The following TBC1D21 variants were observed in gnomAD, a reference collection of about 807,000 sequenced individuals.
The protein encoded by TBC1D21 is male germ cell Rab GTPase-activating protein.
TBC1D21 carries 38 observed loss-of-function variants against 46.0 expected under a neutral mutation model. That is an observed-to-expected ratio of 0.83 (90% CI 0.64 to 1.08). TBC1D21 has a LOEUF of 1.08. TBC1D21 is among the 50% of genes least tolerant of loss of function. The pLI is 0.00. For synonymous variants in TBC1D21, 151 were observed against 157.2 expected (o/e 0.96, Z 0.29); for missense variants, 415 against 417.9 (o/e 0.99, Z 0.06).
intron 10 of TBC1D21, 108 bp downstream of exon 10, chr15:73,888,621 CTCTTCTTCCTCCTCCTCT>C (rs1567070396): frequency 4.9e-5 from 37 of 751,578 alleles, no homozygotes; most frequent in South Asian, 2.6e-4. Context: ...CCTCCTCCTC[CTCTTCTTCCTCCTCCTCT>C]TCTTCTTCCT....
the TBC1D21 span, among the ~76,000 whole-genome samples, chr15:73,897,463 A>T: frequency 2.9e-3 from 445 of 152,354 alleles, 3 homozygotes; most frequent in African/African-American, 0.011. Flanking sequence ...CTGTAGCCAC[A>T]GGAGAGAGGA....
At chr15:73,883,509 G>A (rs1345678201) in intron 3 of TBC1D21, among the ~76,000 whole-genome samples, 1 of 152,216 alleles carries the variant, frequency 6.6e-6, no homozygotes, top group Admixed American at 6.5e-5. Context: ...CTGTCCCCAT[G>A]GTGGTGAGAC....
intron 6 of TBC1D21, among the ~76,000 whole-genome samples, chr15:73,885,689 A>G (rs1232500083): frequency 6.6e-6 from 1 of 151,424 alleles, no homozygotes; most frequent in Non-Finnish European, 1.5e-5. Flanking sequence ...CCATCCCTGC[A>G]CATGTGCTTG....
chr15:73,881,868 G>A (rs1567065517), intron 3 of TBC1D21, 121 bp downstream of exon 3: 2 of 864,778 alleles, frequency 2.3e-6, no homozygotes, highest in Non-Finnish European at 3.7e-6. Flanking sequence ...GGAACCCCAT[G>A]CCTCCTGACC....
At chr15:73,885,562 C>A (rs1317372417) in intron 6 of TBC1D21, among the ~76,000 whole-genome samples, 1 of 152,136 alleles carries the variant, frequency 6.6e-6, no homozygotes, top group African/African-American at 2.4e-5. Context: ...GGCTCCCTCA[C>A]TGTCCAAGTT....
At chr15:73,900,696 T>C in the TBC1D21 span, among the ~76,000 whole-genome samples, 1 of 152,168 alleles carries the variant, frequency 6.6e-6, no homozygotes, top group Non-Finnish European at 1.5e-5. Context: ...ACTAGAGTCT[T>C]GTTTTTAAAA....
the TBC1D21 span, among the ~76,000 whole-genome samples, chr15:73,905,886 C>A: frequency 6.6e-6 from 1 of 152,006 alleles, no homozygotes; most frequent in Non-Finnish European, 1.5e-5. Flanking sequence ...CAGGGCCCTT[C>A]CCTGGCCTCT....
At chr15:73,886,231 T>C in intron 7 of TBC1D21, 57 bp downstream of exon 7, 1 of 1,493,788 alleles carries the variant, frequency 6.7e-7, no homozygotes, top group Non-Finnish European at 9.3e-7. Context: ...GGAAGGGGGC[T>C]GGGACCCAAC....
At chr15:73,886,007 G>T in intron 6 of TBC1D21, 71 bp from the exon 7 acceptor site, 1 of 1,311,988 alleles carries the variant, frequency 7.6e-7, no homozygotes, top group Non-Finnish European at 1.1e-6. Context: ...GAAGCTGGGG[G>T]AAGCAGAGTT....
Position 73,873,655 on chromosome 15 carries a change from C to A in TBC1D21, c.-55C>A. The A allele has an allele frequency of 6.4e-7, 1 of 1,559,454 alleles. No individual in the cohort carries two copies. Among genetic ancestry groups the A allele is most frequent in the South Asian group, 1.2e-5 (1 of 85,542 alleles). ...CCCATCTCCGAAAAGGATTAAGCAT[C>A]ACTAGGGCTCCAAGTGAGTTCTGAT... On this transcript the variant is annotated 5_prime_UTR_variant, in exon 1 of 11. Transcript: ENST00000300504.
chr15:73,904,722 G>A, the TBC1D21 span, among the ~76,000 whole-genome samples: 1 of 152,144 alleles, frequency 6.6e-6, no homozygotes, highest in Non-Finnish European at 1.5e-5. Flanking sequence ...GACGAGAGGA[G>A]CTCATGGGAC....
chr15:73,902,108 C>T, the TBC1D21 span, among the ~76,000 whole-genome samples: 1 of 152,232 alleles, frequency 6.6e-6, no homozygotes, highest in African/African-American at 2.4e-5. Flanking sequence ...AGCCACCGCG[C>T]CTGGCCAAGA....
At chr15:73,881,601 C>T in intron 2 of TBC1D21, 43 bp from the exon 3 acceptor site, 1 of 1,601,696 alleles carries the variant, frequency 6.2e-7, no homozygotes, top group South Asian at 1.1e-5. Context: ...TTTTGGTAGG[C>T]ATCGATAGAG....
intron 6 of TBC1D21, among the ~76,000 whole-genome samples, chr15:73,885,554 C>T (rs1430178710): frequency 6.6e-6 from 1 of 152,100 alleles, no homozygotes; most frequent in African/African-American, 2.4e-5. Flanking sequence ...TCCCCAGGGG[C>T]TCCCTCACTG....
the TBC1D21 span, among the ~76,000 whole-genome samples, chr15:73,896,148 G>T: frequency 1.3e-5 from 1 of 76,346 alleles, no homozygotes; most frequent in Non-Finnish European, 3.5e-5. Context: ...GAGCCATGGC[G>T]GTAGTGAGGA....
the TBC1D21 span, among the ~76,000 whole-genome samples, chr15:73,905,010 T>G: frequency 6.6e-6 from 1 of 152,006 alleles, no homozygotes; most frequent in Non-Finnish European, 1.5e-5. Context: ...AAACACAAAC[T>G]GGAGAGTGAC....
At position 73,876,223 on chromosome 15, in the gene TBC1D21, T is replaced by TTTGTTTG. The variant is rs1567062372; in HGVS notation, c.60+2456_60+2457insGTTTGTT. 6.4e-4 allele frequency among the ~76,000 whole-genome samples: 33 copies of TTTGTTTG among 51,260 alleles called. 2 individuals are homozygous for TTTGTTTG. Among genetic ancestry groups the TTTGTTTG allele is most frequent in the African/African-American group, 3.7e-3 (30 of 8,040 alleles). The allele number at this position is 51,260 out of a possible 152,430, so 33.6% of individuals were successfully genotyped here. ...GGTTTTTTTTTTTTTTTTTTTTTTTTTTTTTTTTTTTTTTTTTTTTTTGAG... is the reference window on the plus strand; with the variant it reads ...GGTTTTTTTTTTTTTTTTTTTTTTTTTTGTTTGTTTTTTTTTTTTTTTTTTTTTTGAG... On this transcript the variant is annotated intron_variant, in intron 1 of 10. Transcript: ENST00000300504.
Position 73,887,673 on chromosome 15 carries a change from C to A in TBC1D21, c.831C>A (p.Ser277Arg), listed in dbSNP as rs748293374. 1.5e-5 allele frequency: 25 copies of A among 1,614,082 alleles called. No individual in the cohort carries two copies. The highest frequency in any genetic ancestry group is 2.0e-5 in the Non-Finnish European group (24 of 1,179,982). ...ACTTCCAGGTGCTGGTGGCCTACAG[C>A]ATGCTGCAGATGGTGCGGGAGCAGG... ...CRNFQVLVAYSMLQMVREQVL... is the reference protein window; with the variant it reads ...CRNFQVLVAYRMLQMVREQVL... Residue 277 changes from serine (S) to arginine (R), a missense_variant, in exon 9 of 11, where the codon AGC (serine) becomes AGA (arginine). Physicochemically the swap from Ser to Arg is moderately radical, Grantham distance 110. Coordinates refer to ENST00000300504, the MANE Select transcript of TBC1D21 (RefSeq NM_153356.3).
At position 73,886,158 on chromosome 15, in the gene TBC1D21, G is replaced by C; in HGVS notation, c.660G>C (p.Val220=). The part of the protein sequence containing the change: ...LSTLITFLDP[V]FAEHLKGKGA... ...CCCTGATCACCTTCCTGGACCCCGTGTTTGCTGAGCACCTAAGTGAGTGGT... is the reference window on the plus strand; with the variant it reads ...CCCTGATCACCTTCCTGGACCCCGTCTTTGCTGAGCACCTAAGTGAGTGGT... The change falls in exon 7 of 11, where the codon GTG becomes GTC. Residue 220 remains valine (V), a synonymous_variant. Coordinates refer to ENST00000300504, the MANE Select transcript of TBC1D21 (RefSeq NM_153356.3). 6.2e-7 allele frequency: 1 copy of C among 1,614,228 alleles called. No individual in the cohort carries two copies. Among genetic ancestry groups the C allele is most frequent in the East Asian group, 2.2e-5 (1 of 44,888 alleles).
Sources: gnomAD v4.1 joint callset for allele counts (sites outside exome capture counted in the v4.1 genomes callset) on GRCh38, gnomAD v4.1.1 for gene constraint, MANE v1.5 for transcripts, NCBI Gene and HGNC (gene_info 2026-07-23, HGNC 2026-07-21) for gene names.